Variants in CREB3L2 observed in about 807,000 individuals in gnomAD.
The protein encoded by CREB3L2 is cyclic AMP-responsive element-binding protein 3-like protein 2.
Under a neutral mutation model 57.2 loss-of-function variants are expected in CREB3L2, and 23 were observed. That is an observed-to-expected ratio of 0.40 (90% CI 0.29 to 0.57). The LOEUF (loss-of-function observed/expected upper bound fraction) is 0.57, where lower values mean the gene tolerates loss of function less well. CREB3L2 is among the 20% of genes least tolerant of loss of function. CREB3L2 has a pLI of 0.42. For missense variants in CREB3L2, 628 were observed against 634.7 expected, an observed-to-expected ratio of 0.99 and a Z score of 0.11; for synonymous variants, 268 against 265.1, an observed-to-expected ratio of 1.01 and a Z score of -0.11.
intron 1 of CREB3L2, among the ~76,000 whole-genome samples, chr7:137,936,307 C>A (rs1367573403): frequency 6.6e-6 from 1 of 152,190 alleles, no homozygotes; most frequent in Non-Finnish European, 1.5e-5. Flanking sequence ...GCCCAACAGG[C>A]CTCTTTTGTG....
chr7:137,978,159 C>G (rs552333421), intron 1 of CREB3L2, among the ~76,000 whole-genome samples: 1 of 152,010 alleles, frequency 6.6e-6, no homozygotes, highest in Non-Finnish European at 1.5e-5. Flanking sequence ...AAATCAGAGA[C>G]CATGGAGCAC....
At chr7:137,890,268 C>A in intron 8 of CREB3L2, among the ~76,000 whole-genome samples, 1 of 152,118 alleles carries the variant, frequency 6.6e-6, no homozygotes, top group East Asian at 1.9e-4. Context: ...CTGGATACAT[C>A]AAAGATAAAA....
At chr7:137,901,255 C>A (rs1276063542) in intron 8 of CREB3L2, 99 bp downstream of exon 8, 3 of 793,524 alleles carry the variant, frequency 3.8e-6, no homozygotes, top group South Asian at 1.6e-5. Context: ...TCACTGTGAC[C>A]TCCTCCACTT....
chr7:137,954,467 GCTTT>G (rs1315491873), intron 1 of CREB3L2, among the ~76,000 whole-genome samples: 2 of 152,164 alleles, frequency 1.3e-5, no homozygotes, highest in Non-Finnish European at 2.9e-5. Flanking sequence ...AATGGCCACG[GCTTT>G]CTATTTTCAG....
chr7:137,950,378 A>C (rs528063973), intron 1 of CREB3L2, among the ~76,000 whole-genome samples: 1 of 152,224 alleles, frequency 6.6e-6, no homozygotes, highest in Non-Finnish European at 1.5e-5. Context: ...TATGATTACC[A>C]TCAGTCCACA....
chr7:137,998,142 A>AT (rs1366630304), intron 1 of CREB3L2, among the ~76,000 whole-genome samples: 7 of 152,200 alleles, frequency 4.6e-5, no homozygotes, highest in African/African-American at 1.4e-4. Context: ...GTAGACTCTG[A>AT]ACCTGTCTGC....
At chr7:137,975,388 C>CA (rs1801588266) in intron 1 of CREB3L2, among the ~76,000 whole-genome samples, 1 of 152,188 alleles carries the variant, frequency 6.6e-6, no homozygotes. Flanking sequence ...TGGGCCTCTG[C>CA]AATCAGTTGG....
intron 10 of CREB3L2, among the ~76,000 whole-genome samples, chr7:137,883,221 A>C (rs1799336393): frequency 6.6e-6 from 1 of 152,208 alleles, no homozygotes; most frequent in Non-Finnish European, 1.5e-5. Context: ...TGGGGGGAAA[A>C]ATTCTCAACA....
chr7:137,935,563 T>C (rs558905489), intron 1 of CREB3L2, among the ~76,000 whole-genome samples: 1 of 152,334 alleles, frequency 6.6e-6, no homozygotes. Flanking sequence ...AAATATCTTA[T>C]CACTAGGCCT....
At chr7:137,988,620 G>A (rs1007540892) in intron 1 of CREB3L2, among the ~76,000 whole-genome samples, 1 of 152,182 alleles carries the variant, frequency 6.6e-6, no homozygotes, top group Non-Finnish European at 1.5e-5. Flanking sequence ...TTGGAGTCAT[G>A]TGGTGAATCC....
chr7:137,888,583 G>A (rs1799473664), intron 8 of CREB3L2, among the ~76,000 whole-genome samples: 1 of 152,042 alleles, frequency 6.6e-6, no homozygotes, highest in South Asian at 2.1e-4. Context: ...GCCCTTGCTG[G>A]GTTCTCCCTG....
At chr7:137,992,416 C>T (rs1255241796) in intron 1 of CREB3L2, among the ~76,000 whole-genome samples, 3 of 152,138 alleles carry the variant, frequency 2.0e-5, no homozygotes, top group Non-Finnish European at 4.4e-5. Context: ...AGCTGAGTCA[C>T]TCAACATGCC....
intron 8 of CREB3L2, among the ~76,000 whole-genome samples, chr7:137,895,432 C>T (rs578076784): frequency 3.9e-5 from 6 of 152,298 alleles, no homozygotes; most frequent in Admixed American, 6.5e-5. Flanking sequence ...ATGCAATTAG[C>T]GGATCACCTC....
intron 1 of CREB3L2, among the ~76,000 whole-genome samples, chr7:137,950,532 A>G (rs1352917180): frequency 7.2e-5 from 11 of 151,918 alleles, no homozygotes; most frequent in Admixed American, 6.6e-4. Flanking sequence ...CTTCTGAGCT[A>G]CTCCGTAGTA....
intron 8 of CREB3L2, among the ~76,000 whole-genome samples, chr7:137,894,418 C>T (rs987994523): frequency 4.6e-5 from 7 of 152,166 alleles, no homozygotes; most frequent in Admixed American, 2.0e-4. Flanking sequence ...AAATTGAATC[C>T]AGACCTGACA....
chr7:137,929,994 C>T (rs551656211), intron 1 of CREB3L2, among the ~76,000 whole-genome samples: 32 of 151,784 alleles, frequency 2.1e-4, no homozygotes, highest in African/African-American at 7.0e-4. Context: ...CCCAGGTTCC[C>T]GCCATTCTCC....
At chr7:137,904,839 A>C (rs1405011002) in intron 6 of CREB3L2, among the ~76,000 whole-genome samples, 2 of 42,352 alleles carry the variant, frequency 4.7e-5, no homozygotes, top group African/African-American at 7.3e-5. Flanking sequence ...ACTCTGTATG[A>C]AAAAAAAAAA....
Position 137,946,856 on chromosome 7 carries a change from C to CTATATATAGTTATATATATAGTTATA in CREB3L2, c.103-18491_103-18490insTATAACTATATATATAACTATATATA, listed in dbSNP as rs59249493. On this transcript the variant is annotated intron_variant, in intron 1 of 11. Transcript: ENST00000330387. ...TATATATAGTTATCTATATAGTTAT[C>CTATATATAGTTATATATATAGTTATA]TATATAGTTATATATATAGTTATCT... Among the ~76,000 whole-genome samples, 4 of 32,022 alleles carry CTATATATAGTTATATATATAGTTATA rather than the reference C, an allele frequency of 1.2e-4. 2 individuals are homozygous for CTATATATAGTTATATATATAGTTATA. Among genetic ancestry groups the CTATATATAGTTATATATATAGTTATA allele is most frequent in the African/African-American group, 6.4e-4 (4 of 6,292 alleles). The allele number at this position is 32,022 out of a possible 152,430, so 21.0% of individuals were successfully genotyped here. A position where few individuals can be genotyped will look rare whatever the true frequency, so the allele number is the denominator to read the frequency against.
intron 2 of CREB3L2, among the ~76,000 whole-genome samples, chr7:137,925,642 G>C (rs1001608024): frequency 1.3e-5 from 2 of 152,078 alleles, no homozygotes; most frequent in African/African-American, 4.8e-5. Context: ...GATGCAAACT[G>C]GGGTTCACAT....
Sources: gnomAD v4.1 joint callset for allele counts (sites outside exome capture counted in the v4.1 genomes callset) on GRCh38, gnomAD v4.1.1 for gene constraint, MANE v1.5 for transcripts, NCBI Gene and HGNC (gene_info 2026-07-23, HGNC 2026-07-21) for gene names.